Variants in MACROD2 observed in about 807,000 individuals in gnomAD.
The protein encoded by MACROD2 is mono-ADP ribosylhydrolase 2, also known as ADP-ribose glycohydrolase MACROD2.
In MACROD2, 36 loss-of-function variants were observed where a neutral mutation model predicts 70.4. The observed-to-expected ratio is 0.51, with a 90% CI of 0.39 to 0.68. MACROD2 has a LOEUF of 0.68. MACROD2 is among the 30% of genes least tolerant of loss of function. MACROD2 has a pLI of 0.00. For missense variants in MACROD2, 496 were observed against 538.4 expected (o/e 0.92, Z 0.78); for synonymous variants, 172 against 178.8 (o/e 0.96, Z 0.30).
chr20:14,938,833 T>A (rs968156210), intron 5 of MACROD2, among the ~76,000 whole-genome samples: 4 of 152,018 alleles, frequency 2.6e-5, no homozygotes, highest in African/African-American at 9.7e-5. Context: ...GAGAGATTTC[T>A]TCTGGAAAAT....
intron 5 of MACROD2, among the ~76,000 whole-genome samples, chr20:15,034,896 A>G (rs917462477): frequency 2.6e-5 from 4 of 152,190 alleles, no homozygotes; most frequent in Non-Finnish European, 5.9e-5. Context: ...CATTTATACA[A>G]ATAGCACTAC....
intron 9 of MACROD2, among the ~76,000 whole-genome samples, chr20:15,868,988 C>T (rs2064534290): frequency 1.3e-5 from 2 of 151,504 alleles, no homozygotes; most frequent in African/African-American, 2.4e-5. Context: ...AACATGGTCT[C>T]ACCATGTTGC....
chr20:15,234,282 T>C (rs2076993792), intron 6 of MACROD2, among the ~76,000 whole-genome samples: 1 of 150,582 alleles, frequency 6.6e-6, no homozygotes, highest in African/African-American at 2.4e-5. Flanking sequence ...TCCGCCCGCC[T>C]CGGCCTCCCA....
rs141571452 is a variant in MACROD2 at position 15,296,367 on chromosome 20, CAAATGTAACA to C, written c.540+66312_540+66321del. Among the ~76,000 whole-genome samples the C allele has an allele frequency of 7.1e-3, 1,085 of 152,190 alleles. 13 individuals are homozygous for C. The highest frequency in any genetic ancestry group is 0.024 in the African/African-American group (1,017 of 41,536). On this transcript the variant is annotated intron_variant, in intron 6 of 17. Coordinates refer to ENST00000684519, the MANE Select transcript of MACROD2 (RefSeq NM_001351661.2). Reference sequence around the variant, plus strand: ...TGACTTAAAAGACATCCACCTGAAGCAAATGTAACAAAATGATCACTTATTAATTCTGTTT... The same window carrying C: ...TGACTTAAAAGACATCCACCTGAAGCAAATGATCACTTATTAATTCTGTTT...
chr20:14,147,752 A>T (rs1432553575), intron 3 of MACROD2, among the ~76,000 whole-genome samples: 1 of 152,172 alleles, frequency 6.6e-6, no homozygotes, highest in Non-Finnish European at 1.5e-5. Flanking sequence ...TTTAGTAAAA[A>T]TTCAGGCCTG....
intron 10 of MACROD2, among the ~76,000 whole-genome samples, chr20:15,890,554 A>G (rs905895340): frequency 8.5e-5 from 13 of 152,134 alleles, no homozygotes; most frequent in African/African-American, 1.2e-4. Context: ...GTCAACATCC[A>G]TCTTGCACCT....
At chr20:15,415,125 G>A (rs2046129124) in intron 6 of MACROD2, among the ~76,000 whole-genome samples, 1 of 152,206 alleles carries the variant, frequency 6.6e-6, no homozygotes, top group Non-Finnish European at 1.5e-5. Context: ...AGTTAGATAT[G>A]TGTTCTTCTA....
chr20:14,767,548 G>T (rs1045516738), intron 5 of MACROD2, among the ~76,000 whole-genome samples: 1 of 151,836 alleles, frequency 6.6e-6, no homozygotes, highest in African/African-American at 2.4e-5. Context: ...ATTTATTGCT[G>T]TGCCCCTAGG....
chr20:15,663,337 C>T lies in MACROD2; in HGVS notation c.645+163490C>T, dbSNP rs529456835. Among the ~76,000 whole-genome samples the T allele has an allele frequency of 1.3e-4, 19 of 150,120 alleles. No individual in the cohort carries two copies. In the South Asian group the frequency reaches 3.2e-3, roughly 25 times the overall value. On this transcript the variant is annotated intron_variant, in intron 8 of 17. Coordinates refer to ENST00000684519, the MANE Select transcript of MACROD2 (RefSeq NM_001351661.2). The stretch of plus-strand genomic sequence containing the variant: ...TGTGACCTCCGACTCTGGGGTCAAG[C>T]GATTCTTGTGCCTCAGCCTCCTGAG...
chr20:15,725,926 C>T (rs943095343), intron 8 of MACROD2, among the ~76,000 whole-genome samples: 6 of 151,850 alleles, frequency 4.0e-5, no homozygotes, highest in African/African-American at 1.2e-4. Context: ...ATTTACCTAT[C>T]TAAAAATATA....
At chr20:15,947,685 G>T (rs1381036694) in intron 12 of MACROD2, among the ~76,000 whole-genome samples, 1 of 152,146 alleles carries the variant, frequency 6.6e-6, no homozygotes, top group Non-Finnish European at 1.5e-5. Flanking sequence ...CTTGCACATA[G>T]TAGGTCCTCA....
intron 3 of MACROD2, among the ~76,000 whole-genome samples, chr20:14,363,438 C>T (rs1371306614): frequency 6.6e-6 from 1 of 152,096 alleles, no homozygotes; most frequent in Admixed American, 6.6e-5. Context: ...CCTACGTTAT[C>T]AGTTATGAAG....
chr20:15,930,659 T>C (rs954664592), intron 10 of MACROD2, among the ~76,000 whole-genome samples: 1 of 152,172 alleles, frequency 6.6e-6, no homozygotes. Flanking sequence ...GCAGAAATAC[T>C]GCAAATAGAA....
At chr20:15,469,310 G>A (rs1235202320) in intron 7 of MACROD2, among the ~76,000 whole-genome samples, 1 of 152,206 alleles carries the variant, frequency 6.6e-6, no homozygotes, top group African/African-American at 2.4e-5. Context: ...ATGAAAGGTA[G>A]AATTCATTTG....
At chr20:15,621,163 G>T (rs1232141302) in intron 8 of MACROD2, among the ~76,000 whole-genome samples, 1 of 152,160 alleles carries the variant, frequency 6.6e-6, no homozygotes, top group Non-Finnish European at 1.5e-5. Flanking sequence ...CTGCATTCAC[G>T]TGATTGGGGT....
rs1446250299 is a variant in MACROD2, at chr20:15,294,933, A to G, written c.540+64872A>G. On this transcript the variant is annotated intron_variant, in intron 6 of 17. Transcript: ENST00000684519. ...ATGGTGAGAAGTTTCTAGACATCGG[A>G]TTGCTTATTGTATTACTCTTTGTAA... Among the ~76,000 whole-genome samples, 4 of 152,194 alleles carry G rather than the reference A, an allele frequency of 2.6e-5. No homozygotes were observed. The East Asian group carries it at 7.7e-4, about 29-fold the overall frequency.
chr20:14,999,812 G>C (rs779149125), intron 5 of MACROD2, among the ~76,000 whole-genome samples: 1 of 152,236 alleles, frequency 6.6e-6, no homozygotes, highest in East Asian at 1.9e-4. Context: ...GGTAACCTCA[G>C]ATTAAATGTT....
intron 3 of MACROD2, among the ~76,000 whole-genome samples, chr20:14,454,210 TTTCTTATAA>T (rs1409365506): frequency 1.3e-5 from 2 of 152,026 alleles, no homozygotes; most frequent in African/African-American, 4.8e-5. Context: ...AATTCTATTC[TTTCTTATAA>T]AATTTCTATT....
At chr20:15,934,767 G>C (rs1018857214) in intron 11 of MACROD2, among the ~76,000 whole-genome samples, 1 of 151,884 alleles carries the variant, frequency 6.6e-6, no homozygotes, top group Non-Finnish European at 1.5e-5. Context: ...GTGCAATCTC[G>C]GTTCACTGCA....
Sources: gnomAD v4.1 joint callset for allele counts (sites outside exome capture counted in the v4.1 genomes callset) on GRCh38, gnomAD v4.1.1 for gene constraint, MANE v1.5 for transcripts, NCBI Gene and HGNC (gene_info 2026-07-23, HGNC 2026-07-21) for gene names.